IL34: variants seen among roughly 807,000 people sequenced by gnomAD.
IL34 encodes the protein interleukin 34, also known as interleukin-34.
Under a neutral mutation model 25.3 loss-of-function variants are expected in IL34, and 17 were observed. The observed-to-expected ratio is 0.67, with a 90% confidence interval of 0.46 to 1.01. IL34 has a LOEUF of 1.01. IL34 is among the 50% of genes least tolerant of loss of function. IL34 has a pLI of 0.00. For synonymous variants in IL34, 174 were observed against 140.9 expected (o/e 1.23, Z -1.66); for missense variants, 368 against 312.9 (o/e 1.18, Z -1.33).
intron 1 of IL34, among the ~76,000 whole-genome samples, chr16:70,607,669 T>C (rs778827120): frequency 6.6e-6 from 1 of 152,206 alleles, no homozygotes; most frequent in Non-Finnish European, 1.5e-5. Flanking sequence ...CTCTGCATAA[T>C]TGGCTGAGTG....
intron 1 of IL34, among the ~76,000 whole-genome samples, chr16:70,611,014 C>T (rs1251048562): frequency 2.6e-5 from 4 of 152,080 alleles, no homozygotes; most frequent in Non-Finnish European, 4.4e-5. Context: ...TGCTCTGTGG[C>T]CCAGGCCGGA....
rs775115913 is a variant in IL34, at chr16:70,660,041, A to AGT, written c.584_585dup (p.Pro196ValfsTer36). 2.5e-6 allele frequency: 4 copies of AGT among 1,612,114 alleles called. No individual in the cohort carries two copies. In the Admixed American group the frequency reaches 6.7e-5, roughly 27 times the overall value. ...AAACTGGCAGGACTGTGAGGTGCCA[A>AGT]GTCCTCAGTCTTGCAGCCCAGAGCC... On this transcript the variant is annotated frameshift_variant, in exon 6 of 6. Transcript: ENST00000288098. LOFTEE classifies it low-confidence loss of function (END_TRUNC).
At chr16:70,633,099 A>G (rs540467683) in intron 1 of IL34, among the ~76,000 whole-genome samples, 50 of 151,886 alleles carry the variant, frequency 3.3e-4, no homozygotes, top group African/African-American at 1.1e-3. Context: ...TTAGCAGCTG[A>G]GACCACAGGT....
intron 1 of IL34, among the ~76,000 whole-genome samples, chr16:70,612,653 T>C (rs1226898434): frequency 6.6e-6 from 1 of 152,222 alleles, no homozygotes; most frequent in Non-Finnish European, 1.5e-5. Flanking sequence ...GAAGGGACTT[T>C]TTGACAGGTA....
chr16:70,612,124 C>G (rs892559054), intron 1 of IL34, among the ~76,000 whole-genome samples: 4 of 152,230 alleles, frequency 2.6e-5, no homozygotes, highest in African/African-American at 9.6e-5. Context: ...GGAGAGCCAG[C>G]CTCCAACAGG....
At chr16:70,650,617 A>C in intron 1 of IL34, among the ~76,000 whole-genome samples, 1 of 152,176 alleles carries the variant, frequency 6.6e-6, no homozygotes. Flanking sequence ...GAAAAGCTGA[A>C]ATTTTGAATT....
At chr16:70,650,130 C>A (rs1464763219) in intron 1 of IL34, among the ~76,000 whole-genome samples, 1 of 152,114 alleles carries the variant, frequency 6.6e-6, no homozygotes, top group Non-Finnish European at 1.5e-5. Context: ...TGGGCTAAGA[C>A]AAGGGCAGGG....
At chr16:70,636,701 C>T (rs180841487) in intron 1 of IL34, among the ~76,000 whole-genome samples, 102 of 151,642 alleles carry the variant, frequency 6.7e-4, no homozygotes, top group Non-Finnish European at 1.3e-3. Flanking sequence ...CCCAGGAGTT[C>T]GAGGCTGCAG....
At chr16:70,611,965 G>T (rs1351907549) in intron 1 of IL34, among the ~76,000 whole-genome samples, 2 of 152,198 alleles carry the variant, frequency 1.3e-5, no homozygotes. Flanking sequence ...GGAGGTCAAG[G>T]ATGCAGTGAG....
intron 1 of IL34, among the ~76,000 whole-genome samples, chr16:70,592,462 G>A (rs960454623): frequency 6.6e-6 from 1 of 152,072 alleles, no homozygotes; most frequent in Non-Finnish European, 1.5e-5. Context: ...CCCAACCCTG[G>A]AAGGTGTGGC....
intron 1 of IL34, among the ~76,000 whole-genome samples, chr16:70,580,551 C>T (rs755586399): frequency 3.3e-5 from 5 of 152,122 alleles, no homozygotes; most frequent in East Asian, 1.9e-4. Context: ...CTCTGGGAGG[C>T]GAGCGGATCA....
intron 1 of IL34, among the ~76,000 whole-genome samples, chr16:70,600,233 T>A (rs2050895694): frequency 6.6e-6 from 1 of 152,158 alleles, no homozygotes; most frequent in Non-Finnish European, 1.5e-5. Context: ...CTCTACCCCC[T>A]GCCACAAAGC....
intron 1 of IL34, among the ~76,000 whole-genome samples, chr16:70,653,839 C>A (rs1333234902): frequency 6.6e-6 from 1 of 152,132 alleles, no homozygotes; most frequent in African/African-American, 2.4e-5. Context: ...CGAATTCTCT[C>A]CTTTTTTTCT....
At chr16:70,634,868 C>T (rs2051606699) in intron 1 of IL34, among the ~76,000 whole-genome samples, 1 of 151,452 alleles carries the variant, frequency 6.6e-6, no homozygotes, top group Non-Finnish European at 1.5e-5. Context: ...TGCTTTTGCT[C>T]AAAATAATGT....
At chr16:70,656,774 G>A in intron 3 of IL34, 95 bp downstream of exon 3, 2 of 953,686 alleles carry the variant, frequency 2.1e-6, no homozygotes, top group Admixed American at 1.7e-5. Flanking sequence ...AGGTGGTGCT[G>A]CTGGCCTGGG....
At chr16:70,581,300 A>T (rs1179111678) in intron 1 of IL34, among the ~76,000 whole-genome samples, 1 of 152,172 alleles carries the variant, frequency 6.6e-6, no homozygotes, top group Non-Finnish European at 1.5e-5. Context: ...TAACAGACCC[A>T]TCCCTGGACG....
At chr16:70,592,540 T>C (rs1346951317) in intron 1 of IL34, among the ~76,000 whole-genome samples, 9 of 152,186 alleles carry the variant, frequency 5.9e-5, no homozygotes, top group Non-Finnish European at 1.0e-4. Context: ...GCTGTCTGCC[T>C]GCAAAGCCTA....
intron 1 of IL34, among the ~76,000 whole-genome samples, chr16:70,624,841 A>G (rs2051356655): frequency 1.3e-5 from 2 of 150,894 alleles, no homozygotes; most frequent in South Asian, 4.2e-4. Context: ...AGGAGGGGAG[A>G]GGTCAGATGG....
chr16:70,634,038 A>G (rs1209246589), intron 1 of IL34, among the ~76,000 whole-genome samples: 1 of 151,776 alleles, frequency 6.6e-6, no homozygotes, highest in South Asian at 2.1e-4. Context: ...TTTAGTAGAG[A>G]CGGGGTTTCA....
Sources: allele counts gnomAD v4.1 joint callset (sites outside exome capture counted in the v4.1 genomes callset), GRCh38; gene constraint gnomAD v4.1.1; transcripts MANE v1.5; gene names NCBI Gene and HGNC (gene_info 2026-07-23, HGNC 2026-07-21).